The following GALNT18 variants were observed in gnomAD, a reference collection of about 807,000 sequenced individuals.
The protein encoded by GALNT18 is GalNAc-transferase 18.
In GALNT18, 44 loss-of-function variants were observed where a neutral mutation model predicts 69.5. The observed-to-expected ratio is 0.63, with a 90% CI of 0.50 to 0.81. The LOEUF (loss-of-function observed/expected upper bound fraction) is 0.81. Among genes scored for constraint, GALNT18 ranks in the 40% least tolerant of loss-of-function variants. The pLI is 0.00. For missense variants in GALNT18, 715 were observed against 810.0 expected (o/e 0.88, Z 1.42); for synonymous variants, 364 against 318.2 (o/e 1.14, Z -1.53).
intron 10 of GALNT18, among the ~76,000 whole-genome samples, chr11:11,276,241 C>T (rs928561181): frequency 1.2e-4 from 18 of 152,136 alleles, no homozygotes; most frequent in Admixed American, 1.2e-3. Context: ...TTGAAGAGGT[C>T]CTTCACATCC....
At position 11,435,839 on chromosome 11, in the gene GALNT18, C is replaced by A. The variant is rs769762646; in HGVS notation, c.429-3052G>T. 6.6e-6 allele frequency among the ~76,000 whole-genome samples: 1 copy of A among 152,198 alleles called. No homozygotes were observed. The highest frequency in any genetic ancestry group is 1.5e-5 in the Non-Finnish European group (1 of 68,036). ...TGTTCTCCCATCCTCCCTCCTCTTG[C>A]GTGAATGGCCCCAATTCCTCACATT... On this transcript the variant is annotated intron_variant, in intron 2 of 10. Transcript: ENST00000227756. This position sits in a 1 kb window ranked among gnomAD's most constrained non-coding sequence, Gnocchi z 4.4.
At chr11:11,370,921 T>C (rs1850886874) in intron 6 of GALNT18, among the ~76,000 whole-genome samples, 1 of 152,148 alleles carries the variant, frequency 6.6e-6, no homozygotes, top group Non-Finnish European at 1.5e-5. Flanking sequence ...GGGGTGAGCA[T>C]TTATCCAGGA....
chr11:11,346,452 C>T (rs1350586179), intron 6 of GALNT18, among the ~76,000 whole-genome samples: 1 of 152,328 alleles, frequency 6.6e-6, no homozygotes, highest in South Asian at 2.1e-4. Flanking sequence ...CAATGACTTT[C>T]TTCAAACTCA....
At chr11:11,343,835 G>A (rs902032832) in intron 6 of GALNT18, among the ~76,000 whole-genome samples, 3 of 152,170 alleles carry the variant, frequency 2.0e-5, no homozygotes, top group South Asian at 4.1e-4. Flanking sequence ...CTTAGAGTGG[G>A]CACATCTGCC....
chr11:11,279,959 G>A (rs1241168933), intron 10 of GALNT18, among the ~76,000 whole-genome samples: 1 of 151,892 alleles, frequency 6.6e-6, no homozygotes, highest in Non-Finnish European at 1.5e-5. Context: ...ACAGATGAAG[G>A]AGGCAGGGAC....
intron 10 of GALNT18, among the ~76,000 whole-genome samples, chr11:11,290,127 C>G (rs1481142105): frequency 6.6e-6 from 1 of 152,180 alleles, no homozygotes; most frequent in Non-Finnish European, 1.5e-5. Context: ...CGATTGAGGA[C>G]TCCTGGTGAT....
intron 1 of GALNT18, among the ~76,000 whole-genome samples, chr11:11,611,605 G>A (rs1452605572): frequency 6.6e-6 from 1 of 152,148 alleles, no homozygotes; most frequent in Non-Finnish European, 1.5e-5. Flanking sequence ...TGCTTCCCTG[G>A]ACCTGGGACT....
At chr11:11,401,098 A>T (rs114179557) in intron 3 of GALNT18, among the ~76,000 whole-genome samples, 131 of 152,184 alleles carry the variant, frequency 8.6e-4, no homozygotes, top group African/African-American at 3.1e-3. Flanking sequence ...AGGACACAAA[A>T]CACCAGGCTA....
intron 9 of GALNT18, among the ~76,000 whole-genome samples, chr11:11,326,108 G>A (rs1012908076): frequency 2.1e-5 from 3 of 143,654 alleles, no homozygotes; most frequent in Admixed American, 7.2e-5. Flanking sequence ...GCAGTAGTGC[G>A]ATCTCAGCTC....
At chr11:11,458,379 A>ATTT (rs1855968047) in intron 1 of GALNT18, among the ~76,000 whole-genome samples, 2 of 152,226 alleles carry the variant, frequency 1.3e-5, no homozygotes, top group Admixed American at 1.3e-4. Flanking sequence ...CACCCATTTT[A>ATTT]AATGTACAAT....
chr11:11,449,533 C>T (rs1251633788), intron 1 of GALNT18, among the ~76,000 whole-genome samples: 2 of 152,238 alleles, frequency 1.3e-5, no homozygotes, highest in African/African-American at 4.8e-5. Context: ...AAATCCATGA[C>T]ACAGGTGACA....
At chr11:11,558,198 G>A (rs1858378922) in intron 1 of GALNT18, among the ~76,000 whole-genome samples, 2 of 152,164 alleles carry the variant, frequency 1.3e-5, no homozygotes, top group African/African-American at 4.8e-5. Context: ...TTTTGAAATG[G>A]TGATTGATGG....
chr11:11,548,269 A>C (rs938790389), intron 1 of GALNT18, among the ~76,000 whole-genome samples: 1 of 152,230 alleles, frequency 6.6e-6, no homozygotes, highest in Non-Finnish European at 1.5e-5. Flanking sequence ...TGACATTTCC[A>C]ATCAATCTTG....
intron 5 of GALNT18, among the ~76,000 whole-genome samples, chr11:11,373,871 G>C (rs577137132): frequency 6.6e-6 from 1 of 152,354 alleles, no homozygotes; most frequent in Admixed American, 6.5e-5. Flanking sequence ...TGGAGGACTT[G>C]GTGGCAGTGG....
chr11:11,493,637 G>A (rs571460817), intron 1 of GALNT18, among the ~76,000 whole-genome samples: 1 of 152,260 alleles, frequency 6.6e-6, no homozygotes, highest in South Asian at 2.1e-4. Flanking sequence ...TGTTATCTAC[G>A]TCTCAAGATT....
At chr11:11,355,569 T>C (rs555766122) in intron 6 of GALNT18, among the ~76,000 whole-genome samples, 27 of 151,278 alleles carry the variant, frequency 1.8e-4, no homozygotes, top group Admixed American at 3.3e-4. Flanking sequence ...ATTTACATAT[T>C]TATTATTTAT....
At chr11:11,411,350 C>T (rs1854722565) in intron 3 of GALNT18, among the ~76,000 whole-genome samples, 1 of 152,124 alleles carries the variant, frequency 6.6e-6, no homozygotes, top group African/African-American at 2.4e-5. Context: ...GAACTGAAAT[C>T]CCCAGGACAG....
intron 1 of GALNT18, among the ~76,000 whole-genome samples, chr11:11,466,980 A>G (rs79349556): frequency 0.05 from 7,616 of 152,278 alleles, 532 homozygotes; most frequent in East Asian, 0.22. Flanking sequence ...ACCTACTGGG[A>G]GTCAGAAGCC....
At chr11:11,475,474 A>T (rs1181375403) in intron 1 of GALNT18, 1 of 152,224 alleles carries the variant, frequency 6.6e-6, no homozygotes, top group Non-Finnish European at 1.5e-5. Flanking sequence ...ACATCCTAGA[A>T]GTCTAGAATT....
Sources: allele counts gnomAD v4.1 joint callset (sites outside exome capture counted in the v4.1 genomes callset), GRCh38; gene constraint gnomAD v4.1.1; non-coding constraint Gnocchi (gnomAD v3.1); transcripts MANE v1.5; gene names NCBI Gene and HGNC (gene_info 2026-07-23, HGNC 2026-07-21).